NR2F1-AS1: variants seen among roughly 807,000 people sequenced by gnomAD.
The protein encoded by NR2F1-AS1 is NR2F1 regulatory antisense RNA 1, also known as NR2F1 antisense RNA 1.
At chr5:93,580,451 C>T (rs546750684) in intron 1 of NR2F1-AS1, 20 of 152,482 alleles carry the variant, frequency 1.3e-4, no homozygotes, top group African/African-American at 4.8e-4. Context: ...GAAACGACAA[C>T]CATTATGTTA....
At chr5:93,414,584 C>T (rs955894418) in intron 4 of NR2F1-AS1, among the ~76,000 whole-genome samples, 1 of 152,096 alleles carries the variant, frequency 6.6e-6, no homozygotes, top group Admixed American at 6.5e-5. Flanking sequence ...TCCAGGATTT[C>T]TCTAGAGGCT....
intron 4 of NR2F1-AS1, among the ~76,000 whole-genome samples, chr5:93,463,476 C>T (rs993352480): frequency 3.3e-5 from 5 of 152,206 alleles, no homozygotes; most frequent in African/African-American, 4.8e-5. Flanking sequence ...GAAGCCCCCA[C>T]AGAGAGTCCC....
At chr5:93,411,708 C>CA (rs1271453699) in intron 4 of NR2F1-AS1, among the ~76,000 whole-genome samples, 4 of 152,010 alleles carry the variant, frequency 2.6e-5, no homozygotes, top group African/African-American at 7.2e-5. Flanking sequence ...ATCTCACCCC[C>CA]AGGCACAGAT....
chr5:93,577,310 G>A (rs997064600), intron 1 of NR2F1-AS1, among the ~76,000 whole-genome samples: 3 of 152,244 alleles, frequency 2.0e-5, no homozygotes, highest in African/African-American at 7.2e-5. Flanking sequence ...TCGACCCAAA[G>A]GTGACAAAGA....
intron 4 of NR2F1-AS1, among the ~76,000 whole-genome samples, chr5:93,466,023 T>C (rs2149866859): frequency 6.6e-6 from 1 of 151,818 alleles, no homozygotes; most frequent in South Asian, 2.1e-4. Flanking sequence ...TGTATACATA[T>C]GTAACAAACC....
At chr5:93,465,841 G>C (rs965870822) in intron 4 of NR2F1-AS1, among the ~76,000 whole-genome samples, 3 of 149,704 alleles carry the variant, frequency 2.0e-5, no homozygotes, top group African/African-American at 4.9e-5. Context: ...ACCAAACACT[G>C]CATGTTCTCA....
chr5:93,439,983 G>A (rs1490437622), intron 4 of NR2F1-AS1, among the ~76,000 whole-genome samples: 1 of 152,078 alleles, frequency 6.6e-6, no homozygotes, highest in Non-Finnish European at 1.5e-5. Context: ...CCCAGTGGTA[G>A]CATCATGCCT....
Position 93,453,338 on chromosome 5 carries a change from T to C in NR2F1-AS1, n.639-57796A>G, listed in dbSNP as rs141532885. ...CGACCATATCATGCAGACTAATATA[T>C]ATGTAACTGGAGTCCCAGAAAGAAA... On this transcript the variant is annotated intron_variant and non_coding_transcript_variant, in intron 4 of 5. Transcript: ENST00000660523. Among the ~76,000 whole-genome samples, 1,326 of 151,842 alleles carry C rather than the reference T, an allele frequency of 8.7e-3. 11 individuals carry two copies. The highest frequency in any genetic ancestry group is 0.015 in the Non-Finnish European group (1,007 of 67,968).
chr5:93,478,327 A>G (rs145924612), intron 4 of NR2F1-AS1, among the ~76,000 whole-genome samples: 1 of 152,308 alleles, frequency 6.6e-6, no homozygotes, highest in Non-Finnish European at 1.5e-5. Flanking sequence ...AATCCTCCCA[A>G]TGAAGACATC....
chr5:93,432,829 C>T (rs6895090), intron 4 of NR2F1-AS1, among the ~76,000 whole-genome samples: 7,059 of 152,158 alleles, frequency 0.046, 534 homozygotes, highest in African/African-American at 0.16. Context: ...ACAGATTTTC[C>T]CATATCTTTT....
intron 4 of NR2F1-AS1, among the ~76,000 whole-genome samples, chr5:93,450,986 G>C (rs959617560): frequency 5.4e-5 from 8 of 146,920 alleles, no homozygotes; most frequent in African/African-American, 2.0e-4. Flanking sequence ...ATTTAACACT[G>C]AAACTCTTAA....
intron 1 of NR2F1-AS1, among the ~76,000 whole-genome samples, chr5:93,575,950 G>A (rs1461800869): frequency 6.6e-6 from 1 of 152,180 alleles, no homozygotes. Flanking sequence ...GTACATGTGT[G>A]CAGAGATTCA....
At position 93,420,740 on chromosome 5, in the gene NR2F1-AS1, T is replaced by G. The variant is rs1749071403; in HGVS notation, n.639-25198A>C. Among the ~76,000 whole-genome samples, 3 of 152,246 alleles carry G rather than the reference T, an allele frequency of 2.0e-5. No individual in the cohort carries two copies. In the South Asian group the frequency reaches 6.2e-4, roughly 32 times the overall value. ...TGAACAAAAGGGAAGGAAGAGAAGT[T>G]GAGTTCTTATCACAGGACCAATTCT... On this transcript the variant is annotated intron_variant and non_coding_transcript_variant, in intron 4 of 5. Coordinates refer to ENST00000660523, the Ensembl canonical transcript of NR2F1-AS1.
chr5:93,565,298 C>T (rs979278054), intron 1 of NR2F1-AS1, among the ~76,000 whole-genome samples: 4 of 152,080 alleles, frequency 2.6e-5, no homozygotes, highest in East Asian at 1.9e-4. Flanking sequence ...AGGCCTACCC[C>T]CAACTTCACA....
At chr5:93,421,240 G>C (rs904619940) in intron 4 of NR2F1-AS1, among the ~76,000 whole-genome samples, 1 of 152,064 alleles carries the variant, frequency 6.6e-6, no homozygotes, top group African/African-American at 2.4e-5. Context: ...TTAACTGATG[G>C]AGACCGAAAT....
Position 93,507,330 on chromosome 5 carries a change from T to TTTTTGTTTTG in NR2F1-AS1, n.638+46421_638+46430dup, listed in dbSNP as rs140764241. Reference sequence around the variant, plus strand: ...ACCAGTTTTTTGGGATTTGGGGTTTTTTTTGTTTTGTTTTGTTTTGTTTTG... The same window carrying TTTTTGTTTTG: ...ACCAGTTTTTTGGGATTTGGGGTTTTTTTTGTTTTGTTTTGTTTTGTTTTGTTTTGTTTTG... On this transcript the variant is annotated intron_variant and non_coding_transcript_variant, in intron 4 of 5. Coordinates refer to ENST00000660523, the Ensembl canonical transcript of NR2F1-AS1. Among the ~76,000 whole-genome samples the TTTTTGTTTTG allele has an allele frequency of 5.7e-4, 86 of 150,006 alleles. 1 individual carries two copies. Among genetic ancestry groups the TTTTTGTTTTG allele is most frequent in the African/African-American group, 1.8e-3 (75 of 40,702 alleles).
intron 4 of NR2F1-AS1, among the ~76,000 whole-genome samples, chr5:93,540,528 T>C (rs2149905272): frequency 6.6e-6 from 1 of 152,318 alleles, no homozygotes; most frequent in East Asian, 1.9e-4. Context: ...CATTTACTTT[T>C]CTGACATTCC....
chr5:93,567,279 G>A (rs1250348226), intron 1 of NR2F1-AS1, among the ~76,000 whole-genome samples: 4 of 151,842 alleles, frequency 2.6e-5, no homozygotes, highest in Non-Finnish European at 4.4e-5. Context: ...AAATTTTTAT[G>A]GAACAAACAT....
Position 93,446,373 on chromosome 5 carries a change from G to A in NR2F1-AS1, n.639-50831C>T, listed in dbSNP as rs1427067471. On this transcript the variant is annotated intron_variant and non_coding_transcript_variant, in intron 4 of 5. Coordinates refer to ENST00000660523, the Ensembl canonical transcript of NR2F1-AS1. ...CAAAGTCTCAGGATACAAAATCAAT[G>A]TGCAAAAATCACAAGCATTCCTATA... Among the ~76,000 whole-genome samples, 2 of 152,140 alleles carry A rather than the reference G, an allele frequency of 1.3e-5. 1 individual carries two copies. Among genetic ancestry groups the A allele is most frequent in the South Asian group, 4.1e-4 (2 of 4,830 alleles).
Sources: allele counts gnomAD v4.1 joint callset (sites outside exome capture counted in the v4.1 genomes callset), GRCh38; gene constraint gnomAD v4.1.1; transcripts MANE v1.5; gene names NCBI Gene and HGNC (gene_info 2026-07-23, HGNC 2026-07-21).